Variants in ANKRD6 observed in about 807,000 individuals in gnomAD.
The protein encoded by ANKRD6 is ankyrin repeat domain-containing protein 6.
In ANKRD6, 56 loss-of-function variants were observed where a neutral mutation model predicts 82.3. That is an observed-to-expected ratio of 0.68 (90% CI 0.55 to 0.85). The LOEUF is 0.85. Among genes scored for constraint, ANKRD6 ranks in the 40% least tolerant of loss-of-function variants. ANKRD6 has a pLI of 0.00. For missense variants in ANKRD6, 852 were observed against 907.6 expected (o/e 0.94, Z 0.79); for synonymous variants, 347 against 352.1 (o/e 0.99, Z 0.16).
Position 89,554,018 on chromosome 6 carries a change from G to T in ANKRD6, c.-143-12816G>T, listed in dbSNP as rs765342272. Among the ~76,000 whole-genome samples, 3 of 152,176 alleles carry T rather than the reference G, an allele frequency of 2.0e-5. No homozygotes were observed. The East Asian group carries it at 5.8e-4, about 29-fold the overall frequency. On this transcript the variant is annotated intron_variant, in intron 1 of 15. Transcript: ENST00000339746. ...GGTTCTTGGCCCTAAAGATGGGGGG[G>T]TGTGAGTGACTTCAAAAAGGGAGCA...
intron 2 of ANKRD6, among the ~76,000 whole-genome samples, chr6:89,589,269 C>T (rs541284124): frequency 1.3e-5 from 2 of 152,264 alleles, no homozygotes; most frequent in Admixed American, 6.5e-5. Context: ...TCCCAGGCCC[C>T]GTGCAGTCAG....
chr6:89,586,197 A>G (rs1018944924), intron 2 of ANKRD6, among the ~76,000 whole-genome samples: 1 of 152,196 alleles, frequency 6.6e-6, no homozygotes, highest in Non-Finnish European at 1.5e-5. Flanking sequence ...GAATGCAAGG[A>G]TTGTTCCATA....
intron 8 of ANKRD6, among the ~76,000 whole-genome samples, chr6:89,617,466 A>G (rs1801876882): frequency 6.6e-6 from 1 of 152,074 alleles, no homozygotes; most frequent in African/African-American, 2.4e-5. Flanking sequence ...GTTGCTTTTC[A>G]TATTCAACTT....
rs544667366 is a variant in ANKRD6 at position 89,467,295 on chromosome 6, A to T, written c.-144+33920A>T. ...ACAAATCAGTGGATATTTATATTAT[A>T]GTATATGGGGTATATTATTTATAGA... On this transcript the variant is annotated intron_variant, in intron 1 of 15. Transcript: ENST00000339746. Among the ~76,000 whole-genome samples, 5 of 152,312 alleles carry T rather than the reference A, an allele frequency of 3.3e-5. 1 individual carries two copies. The highest frequency in any genetic ancestry group is 1.2e-4 in the African/African-American group (5 of 41,582).
At position 89,433,498 on chromosome 6, in the gene ANKRD6, T is replaced by G. The variant is rs1267387563; in HGVS notation, c.-144+123T>G. The G allele has an allele frequency of 3.3e-5, 5 of 152,220 alleles. No homozygotes were observed. Among genetic ancestry groups the G allele is most frequent in the Non-Finnish European group, 7.3e-5 (5 of 68,056 alleles). The allele number at this position is 152,220 out of a possible 1,614,324, so 9.4% of individuals were successfully genotyped here. On this transcript the variant is annotated intron_variant, in intron 1 of 15. Transcript: ENST00000339746. This position sits in a 1 kb window ranked among gnomAD's most constrained non-coding sequence, Gnocchi z 4.3. The stretch of plus-strand genomic sequence containing the variant: ...CCCTCGGCACCCCAGGATCGCCGAC[T>G]GCCCGCGGAGGAGACCCGGACACCG...
intron 1 of ANKRD6, among the ~76,000 whole-genome samples, chr6:89,488,230 A>G (rs775987568): frequency 6.6e-6 from 1 of 152,202 alleles, no homozygotes; most frequent in Non-Finnish European, 1.5e-5. Flanking sequence ...TTTTGTTCTC[A>G]GCAGTCCACC....
intron 1 of ANKRD6, among the ~76,000 whole-genome samples, chr6:89,480,960 A>AATG (rs1295971993): frequency 5.2e-5 from 7 of 135,014 alleles, no homozygotes; most frequent in Admixed American, 5.0e-4. Flanking sequence ...AAAAAATAGA[A>AATG]GAAGAAGAAG....
chr6:89,571,376 G>A (rs1340573020), intron 2 of ANKRD6, among the ~76,000 whole-genome samples: 2 of 152,076 alleles, frequency 1.3e-5, no homozygotes, highest in Non-Finnish European at 2.9e-5. Context: ...CTGTGGTTTT[G>A]ATTTGCATGT....
intron 1 of ANKRD6, among the ~76,000 whole-genome samples, chr6:89,535,022 G>A (rs1376899784): frequency 2.0e-5 from 3 of 152,162 alleles, no homozygotes; most frequent in African/African-American, 7.2e-5. Flanking sequence ...CCATTAGCAG[G>A]ACTCTCTTTG....
intron 1 of ANKRD6, among the ~76,000 whole-genome samples, chr6:89,484,592 C>G (rs1777160257): frequency 6.6e-6 from 1 of 152,162 alleles, no homozygotes. Context: ...ATCTCTCTGT[C>G]TTTGGTACAG....
At chr6:89,455,291 C>T (rs1310667142) in intron 1 of ANKRD6, among the ~76,000 whole-genome samples, 1 of 151,960 alleles carries the variant, frequency 6.6e-6, no homozygotes, top group Non-Finnish European at 1.5e-5. Context: ...GTACAGGAAG[C>T]ATGGTGCTGG....
At chr6:89,572,252 G>A (rs1790090020) in intron 2 of ANKRD6, among the ~76,000 whole-genome samples, 2 of 152,122 alleles carry the variant, frequency 1.3e-5, no homozygotes, top group South Asian at 4.1e-4. Context: ...GCAGTTTTTT[G>A]TGTGGACATA....
At chr6:89,532,734 C>T (rs1783326588) in intron 1 of ANKRD6, among the ~76,000 whole-genome samples, 1 of 151,938 alleles carries the variant, frequency 6.6e-6, no homozygotes, top group Admixed American at 6.6e-5. Context: ...TGAGATCTCA[C>T]TCTGTCACCG....
chr6:89,597,793 TACA>T (rs1034538521), intron 3 of ANKRD6, among the ~76,000 whole-genome samples: 2 of 152,132 alleles, frequency 1.3e-5, no homozygotes, highest in Admixed American at 1.3e-4. Flanking sequence ...AAAATAAAAA[TACA>T]ACAACAAGAA....
At chr6:89,522,371 G>C (rs1472163742) in intron 1 of ANKRD6, among the ~76,000 whole-genome samples, 4 of 152,122 alleles carry the variant, frequency 2.6e-5, no homozygotes, top group Admixed American at 1.3e-4. Context: ...ATCTCTGAAT[G>C]GTCAGAGTAA....
chr6:89,562,564 C>T (rs1787603515), intron 1 of ANKRD6: 1 of 152,244 alleles, frequency 6.6e-6, no homozygotes, highest in Non-Finnish European at 1.5e-5. Context: ...TGTTCCCTGA[C>T]TTCAATCGGG....
chr6:89,602,971 T>C, intron 3 of ANKRD6, 58 bp from the exon 4 acceptor site: 1 of 1,421,516 alleles, frequency 7.0e-7, no homozygotes, highest in Non-Finnish European at 9.7e-7. Flanking sequence ...AAGTGAGTAG[T>C]GCAAGCAGGG....
At chr6:89,490,195 A>C (rs1777856949) in intron 1 of ANKRD6, among the ~76,000 whole-genome samples, 1 of 152,186 alleles carries the variant, frequency 6.6e-6, no homozygotes, top group African/African-American at 2.4e-5. Context: ...TCATCGTAGG[A>C]TTTAGTGCTG....
intron 1 of ANKRD6, among the ~76,000 whole-genome samples, chr6:89,476,670 G>T (rs933844825): frequency 6.6e-6 from 1 of 152,120 alleles, no homozygotes; most frequent in Non-Finnish European, 1.5e-5. Flanking sequence ...AAGTGATAAG[G>T]TTGATTGGTT....
Sources: allele counts gnomAD v4.1 joint callset (sites outside exome capture counted in the v4.1 genomes callset), GRCh38; gene constraint gnomAD v4.1.1; non-coding constraint Gnocchi (gnomAD v3.1); transcripts MANE v1.5; gene names NCBI Gene and HGNC (gene_info 2026-07-23, HGNC 2026-07-21).